DYNLT3: variants seen among roughly 807,000 people sequenced by gnomAD.
DYNLT3 encodes dynein light chain Tctex-type 3.
In DYNLT3, 4 loss-of-function variants were observed where a neutral mutation model predicts 11.0. That is an observed-to-expected ratio of 0.36 (90% CI 0.18 to 0.83). DYNLT3 has a LOEUF of 0.83. Among genes scored for constraint, DYNLT3 ranks in the 40% least tolerant of loss-of-function variants. The probability of loss-of-function intolerance (pLI) is 0.47; values close to 1 mark genes in which losing one functional copy is unlikely to be tolerated. For synonymous variants in DYNLT3, 37 were observed against 31.2 expected (o/e 1.18, Z -0.61); for missense variants, 91 against 91.1 (o/e 1.00, Z 0.01).
At chrX:37,840,771 C>A (rs1300054435) in intron 4 of DYNLT3, 120 bp from the exon 5 acceptor site, 1 of 369,696 alleles carries the variant, frequency 2.7e-6, no homozygotes, top group South Asian at 6.7e-5. Context: ...CACACACACA[C>A]ACACACACAC....
intron 2 of DYNLT3, among the ~76,000 whole-genome samples, chrX:37,845,968 C>T (rs1298287764): frequency 8.9e-6 from 1 of 111,893 alleles, no homozygotes; most frequent in Non-Finnish European, 1.9e-5. Flanking sequence ...GTCAGGAATT[C>T]GAAACCAGCC....
rs967519928 is a variant in DYNLT3 at position 37,847,332 on chromosome X, G to A, written c.30+149C>T. On this transcript the variant is annotated intron_variant, in intron 1 of 4. Coordinates refer to ENST00000378578, the MANE Select transcript of DYNLT3 (RefSeq NM_006520.3). ...GTGGGGAGAACGGGTCGGGCGGGGC[G>A]GATCCCGGGCCCAGGGGAGAGGACC... The A allele has an allele frequency of 3.3e-6, 3 of 904,326 alleles. No homozygotes were observed. In the African/African-American group the frequency reaches 6.3e-5, roughly 19 times the overall value. The allele number at this position is 904,326 out of a possible 1,213,427, so 74.5% of individuals were successfully genotyped here.
intron 2 of DYNLT3, among the ~76,000 whole-genome samples, chrX:37,844,310 A>C (rs1930226998): frequency 1.2e-5 from 1 of 82,604 alleles, no homozygotes; most frequent in Non-Finnish European, 2.1e-5. Flanking sequence ...GCTTAGAATG[A>C]AGAGTTTCCT....
chrX:37,840,306 A>G lies in DYNLT3; in HGVS notation c.*269T>C, dbSNP rs764441627. On this transcript the variant is annotated 3_prime_UTR_variant, in exon 5 of 5. Transcript: ENST00000378578. ...ATTAGTGAAAAGCTGGTGTAAATAT[A>G]AGATTGTATTTTCATGTCATGCCAT... 2.3e-5 allele frequency: 4 copies of G among 170,313 alleles called. No homozygotes were observed. The East Asian group carries it at 3.6e-4, about 15-fold the overall frequency. The allele number at this position is 170,313 out of a possible 1,213,427, so 14.0% of individuals were successfully genotyped here.
rs1357105996 is a variant in DYNLT3 at position 37,840,034 on chromosome X, T to C, written c.*541A>G. On this transcript the variant is annotated 3_prime_UTR_variant, in exon 5 of 5. Transcript: ENST00000378578. ...TAATCCTCAGAAAAAGTAAACAAGT[T>C]AATCATAGTTGTTACTATACTATTA... is the stretch of plus-strand genomic sequence containing the variant. The C allele has an allele frequency of 9.7e-6, 1 of 103,122 alleles. No individual in the cohort carries two copies. The highest frequency in any genetic ancestry group is 2.0e-5 in the Non-Finnish European group (1 of 49,891). 8.5% of individuals were successfully genotyped at this position (103,122 alleles called of 1,213,427 possible).
At chrX:37,845,167 A>G (rs985642937) in intron 2 of DYNLT3, among the ~76,000 whole-genome samples, 2 of 111,935 alleles carry the variant, frequency 1.8e-5, no homozygotes, top group African/African-American at 6.5e-5. Context: ...GTGCTTTTAC[A>G]TTGTAAAGGT....
At chrX:37,842,736 G>C (rs1024759076) in intron 2 of DYNLT3, among the ~76,000 whole-genome samples, 1 of 111,660 alleles carries the variant, frequency 9.0e-6, no homozygotes, top group African/African-American at 3.3e-5. Flanking sequence ...CATCTTATCA[G>C]GTTGTTGTTA....
At chrX:37,842,299 G>C (rs1215361807) in intron 2 of DYNLT3, among the ~76,000 whole-genome samples, 1 of 111,958 alleles carries the variant, frequency 8.9e-6, no homozygotes, top group Non-Finnish European at 1.9e-5. Context: ...TGGTTAACAA[G>C]TAGCTTTGAA....
At position 37,840,530 on chromosome X, in the gene DYNLT3, G is replaced by T; in HGVS notation, c.*45C>A. ...TTACTCTTTTTGGAAAGGATACACT[G>T]ACAAATTCTTAAGTTAATGGCTTTA... On this transcript the variant is annotated 3_prime_UTR_variant, in exon 5 of 5. Coordinates refer to ENST00000378578, the MANE Select transcript of DYNLT3 (RefSeq NM_006520.3). 1 of 1,122,679 alleles carries T rather than the reference G, an allele frequency of 8.9e-7. No homozygotes were observed. The highest frequency in any genetic ancestry group is 2.1e-5 in the South Asian group (1 of 47,610). 92.5% of individuals were successfully genotyped at this position (1,122,679 alleles called of 1,213,427 possible). A position where few individuals can be genotyped will look rare whatever the true frequency, so the allele number is the denominator to read the frequency against.
Position 37,839,139 on chromosome X carries a change from A to T in DYNLT3, c.*1436T>A, listed in dbSNP as rs975629016. On this transcript the variant is annotated 3_prime_UTR_variant, in exon 5 of 5. Transcript: ENST00000378578. ...ATTATTAATTATTGTTATTTGGCAA[A>T]ATATCAAACATGCACATAGTATTCC... The T allele has an allele frequency of 6.3e-5, 7 of 111,825 alleles. No individual in the cohort carries two copies. The highest frequency in any genetic ancestry group is 5.7e-4 in the Admixed American group (6 of 10,483). 9.2% of individuals were successfully genotyped at this position (111,825 alleles called of 1,213,427 possible).
Position 37,840,815 on chromosome X carries a change from C to T in DYNLT3, c.275-164G>A, listed in dbSNP as rs1251481083. 3.8e-5 allele frequency among the ~76,000 whole-genome samples: 4 copies of T among 104,506 alleles called. No individual in the cohort carries two copies. In the East Asian group the frequency reaches 8.9e-4, roughly 23 times the overall value. The allele number at this position is 104,506 out of a possible 115,157, so 90.8% of individuals were successfully genotyped here. A position where few individuals can be genotyped will look rare whatever the true frequency, so the allele number is the denominator to read the frequency against. On this transcript the variant is annotated intron_variant, in intron 4 of 4. Transcript: ENST00000378578. ...ATATATATATATATATATACACATA[C>T]ATTTTTCACATGTTTTAATATCTTA... is the stretch of plus-strand genomic sequence containing the variant.
At chrX:37,842,279 T>C (rs1219547799) in intron 2 of DYNLT3, among the ~76,000 whole-genome samples, 1 of 111,942 alleles carries the variant, frequency 8.9e-6, no homozygotes, top group Admixed American at 9.5e-5. Flanking sequence ...AATTAAAAGG[T>C]GCTATCAATT....
chrX:37,842,380 T>C (rs7063576), intron 2 of DYNLT3, among the ~76,000 whole-genome samples: 8,769 of 111,481 alleles, frequency 0.079, 875 homozygotes, highest in African/African-American at 0.27. Flanking sequence ...ATAATTCTTA[T>C]GTATACTAAT....
At position 37,841,861 on chromosome X, in the gene DYNLT3, G is replaced by A; in HGVS notation, c.117C>T (p.Asn39=). 8.6e-7 allele frequency: 1 copy of A among 1,158,010 alleles called. No homozygotes were observed. Among genetic ancestry groups the A allele is most frequent in the Non-Finnish European group, 1.2e-6 (1 of 859,030 alleles). The change falls in exon 3 of 5, where the codon AAC becomes AAT. Residue 39 remains asparagine (N), a synonymous_variant. Transcript: ENST00000378578. ...VLGGEDYNHN[N]INQWTASIVE... The stretch of plus-strand genomic sequence containing the variant: ...CTATGCTTGCAGTCCACTGGTTGAT[G>A]TTGTTGTGATTATAATCTTCACCAC...
chrX:37,846,418 A>G lies in DYNLT3; in HGVS notation c.31-60T>C. 2.7e-6 allele frequency: 3 copies of G among 1,119,813 alleles called. No individual in the cohort carries two copies. The Admixed American group carries it at 6.9e-5, about 26-fold the overall frequency. The allele number at this position is 1,119,813 out of a possible 1,213,427, so 92.3% of individuals were successfully genotyped here. A position where few individuals can be genotyped will look rare whatever the true frequency, so the allele number is the denominator to read the frequency against. ...CACAGGCTTACAAGTATGACGCTAC[A>G]CAGAATATCCTAGGCTGGCCTAGAC... On this transcript the variant is annotated intron_variant, in intron 1 of 4. Transcript: ENST00000378578.
intron 4 of DYNLT3, 89 bp from the exon 5 acceptor site, chrX:37,840,740 A>G (rs1930129621): frequency 1.7e-5 from 9 of 527,083 alleles, no homozygotes; most frequent in African/African-American, 2.8e-5. Context: ...ACACACACAC[A>G]CACACACATA....
chrX:37,846,446 G>T (rs1258886925), intron 1 of DYNLT3, 88 bp from the exon 2 acceptor site: 1 of 865,934 alleles, frequency 1.2e-6, no homozygotes, highest in Non-Finnish European at 1.6e-6. Context: ...GCCTAGACAG[G>T]TGTTAAAGTG....
At position 37,842,174 on chromosome X, in the gene DYNLT3, A is replaced by T. The variant is rs150781160; in HGVS notation, c.73-269T>A. The stretch of plus-strand genomic sequence containing the variant: ...AATATGTCATGGCTTCTGTGTAAAT[A>T]ACTTAATCTAGCAGAGAAGCTAATA... On this transcript the variant is annotated intron_variant, in intron 2 of 4. Coordinates refer to ENST00000378578, the MANE Select transcript of DYNLT3 (RefSeq NM_006520.3). Among the ~76,000 whole-genome samples the T allele has an allele frequency of 4.7e-3, 526 of 111,455 alleles. 6 individuals are homozygous for T. The highest frequency in any genetic ancestry group is 9.2e-3 in the Middle Eastern group (2 of 218).
At chrX:37,841,224 C>A (rs720525) in intron 3 of DYNLT3, 119 bp from the exon 4 acceptor site, 2 of 519,987 alleles carry the variant, frequency 3.8e-6, no homozygotes, top group Non-Finnish European at 3.0e-6. Flanking sequence ...AACAAACAAA[C>A]AAAAAACAGA....
Sources: gnomAD v4.1 joint callset for allele counts (sites outside exome capture counted in the v4.1 genomes callset) on GRCh38, gnomAD v4.1.1 for gene constraint, MANE v1.5 for transcripts, NCBI Gene and HGNC (gene_info 2026-07-23, HGNC 2026-07-21) for gene names.